The following RPS6KA5 variants were observed in gnomAD, a reference collection of about 807,000 sequenced individuals.
RPS6KA5 encodes ribosomal protein S6 kinase alpha-5.
A neutral mutation model predicts 85.5 loss-of-function variants in RPS6KA5; 27 were observed. That is an observed-to-expected ratio of 0.32 (90% CI 0.23 to 0.44). The LOEUF (loss-of-function observed/expected upper bound fraction) is 0.44. Ranked by LOEUF, RPS6KA5 falls within the 20% of genes least tolerant of loss-of-function variation. The pLI is 1.00. For missense variants in RPS6KA5, 811 were observed against 980.9 expected (o/e 0.83, Z 2.31); for synonymous variants, 334 against 348.2 (o/e 0.96, Z 0.46).
chr14:90,907,161 T>C (rs1288220131), intron 7 of RPS6KA5, among the ~76,000 whole-genome samples: 1 of 152,190 alleles, frequency 6.6e-6, no homozygotes, highest in Non-Finnish European at 1.5e-5. Flanking sequence ...ACAATATATA[T>C]GAAGACAGTT....
intron 10 of RPS6KA5, 108 bp from the exon 11 acceptor site, chr14:90,900,349 G>A: frequency 1.3e-6 from 1 of 768,306 alleles, no homozygotes; most frequent in Non-Finnish European, 1.9e-6. Flanking sequence ...AACAGGAATA[G>A]AATACATTTA....
At chr14:90,908,731 G>C (rs1480342994) in intron 7 of RPS6KA5, among the ~76,000 whole-genome samples, 1 of 152,186 alleles carries the variant, frequency 6.6e-6, no homozygotes, top group Non-Finnish European at 1.5e-5. Flanking sequence ...AAATGTACTG[G>C]GTTAAGATAA....
chr14:90,887,758 A>G (rs1371892173), intron 14 of RPS6KA5, among the ~76,000 whole-genome samples: 17 of 151,072 alleles, frequency 1.1e-4, no homozygotes, highest in Non-Finnish European at 2.2e-4. Context: ...GGAATTTGAG[A>G]CCAGCCTGGG....
chr14:90,998,469 A>G (rs993890665), intron 2 of RPS6KA5, among the ~76,000 whole-genome samples: 1 of 152,224 alleles, frequency 6.6e-6, no homozygotes, highest in Non-Finnish European at 1.5e-5. Flanking sequence ...TCTATAATAT[A>G]TATCAACCTT....
chr14:90,992,251 C>T (rs904445236), intron 2 of RPS6KA5, among the ~76,000 whole-genome samples: 2 of 152,182 alleles, frequency 1.3e-5, no homozygotes, highest in Non-Finnish European at 2.9e-5. Flanking sequence ...CTTACAATGA[C>T]ATTTCTTAGT....
chr14:90,964,568 A>G (rs2038963565), intron 3 of RPS6KA5, among the ~76,000 whole-genome samples: 1 of 152,180 alleles, frequency 6.6e-6, no homozygotes, highest in East Asian at 1.9e-4. Context: ...AACCTTGTAC[A>G]TATTTTTTAT....
Position 91,014,669 on chromosome 14 carries a change from A to C in RPS6KA5, c.104-13510T>G, listed in dbSNP as rs142833588. On this transcript the variant is annotated intron_variant, in intron 1 of 16. Transcript: ENST00000614987. ...AAACTGCTTATTTCTAAATAGCGAT[A>C]TAAAGTTCCTAAGGCTTATTTTTCT... is the stretch of plus-strand genomic sequence containing the variant. 4.7e-3 allele frequency among the ~76,000 whole-genome samples: 719 copies of C among 152,228 alleles called. 8 individuals carry two copies. The highest frequency in any genetic ancestry group is 0.017 in the African/African-American group (687 of 41,554).
chr14:90,965,290 C>T (rs2039001939), intron 3 of RPS6KA5, among the ~76,000 whole-genome samples: 1 of 152,054 alleles, frequency 6.6e-6, no homozygotes, highest in Non-Finnish European at 1.5e-5. Flanking sequence ...GAGGCTGAGG[C>T]TTGAACCTGG....
chr14:90,944,585 G>A (rs374309661), intron 4 of RPS6KA5, among the ~76,000 whole-genome samples: 48 of 152,074 alleles, frequency 3.2e-4, no homozygotes, highest in Middle Eastern at 3.2e-3. Flanking sequence ...GAGAAACCCC[G>A]ACTCTACTAA....
intron 2 of RPS6KA5, among the ~76,000 whole-genome samples, chr14:90,979,509 A>G (rs2039704883): frequency 6.6e-6 from 1 of 152,208 alleles, no homozygotes; most frequent in Admixed American, 6.5e-5. Context: ...GCCCAGATCA[A>G]TATTCACACT....
At position 90,972,920 on chromosome 14, in the gene RPS6KA5, G is replaced by T. The variant is rs142833126; in HGVS notation, c.394+5386C>A. 4.3e-3 allele frequency among the ~76,000 whole-genome samples: 655 copies of T among 152,174 alleles called. 9 individuals are homozygous for T. The highest frequency in any genetic ancestry group is 0.015 in the African/African-American group (612 of 41,540). On this transcript the variant is annotated intron_variant, in intron 3 of 16. Coordinates refer to ENST00000614987, the MANE Select transcript of RPS6KA5 (RefSeq NM_004755.4). Reference sequence around the variant, plus strand: ...AAAGGGTACAAATAGATAATTCTCAGAAAAAATACATATGGCTTTTTAAGC... The same window carrying T: ...AAAGGGTACAAATAGATAATTCTCATAAAAAATACATATGGCTTTTTAAGC...
intron 1 of RPS6KA5, among the ~76,000 whole-genome samples, chr14:91,035,739 A>C (rs1057094414): frequency 1.3e-5 from 2 of 151,962 alleles, no homozygotes; most frequent in African/African-American, 4.8e-5. Flanking sequence ...TTTAAGTAGA[A>C]AATGAAGAGA....
chr14:91,043,471 A>C (rs1273884743), intron 1 of RPS6KA5, among the ~76,000 whole-genome samples: 2 of 152,134 alleles, frequency 1.3e-5, no homozygotes, highest in Admixed American at 6.5e-5. Flanking sequence ...CAGTTTCACA[A>C]CCGATTCTTC....
intron 5 of RPS6KA5, among the ~76,000 whole-genome samples, chr14:90,927,102 A>G (rs1020894185): frequency 6.6e-6 from 1 of 152,144 alleles, no homozygotes; most frequent in African/African-American, 2.4e-5. Flanking sequence ...GAGATAATGG[A>G]TAATTTCAGA....
At chr14:90,901,282 GTC>G (rs935582656) in intron 9 of RPS6KA5, among the ~76,000 whole-genome samples, 4 of 152,174 alleles carry the variant, frequency 2.6e-5, no homozygotes, top group Non-Finnish European at 5.9e-5. Flanking sequence ...GTTTCACCAT[GTC>G]TCGAACTGGT....
At chr14:90,983,783 TTCTTTCTCTCTCTC>T (rs1566825701) in intron 2 of RPS6KA5, among the ~76,000 whole-genome samples, 1 of 131,918 alleles carries the variant, frequency 7.6e-6, no homozygotes, top group African/African-American at 2.9e-5. Flanking sequence ...CTTTCTTTCT[TTCTTTCTCTCTCTC>T]TCTCTCTCTC....
chr14:90,951,565 T>C (rs2038191106), intron 3 of RPS6KA5, among the ~76,000 whole-genome samples: 1 of 152,148 alleles, frequency 6.6e-6, no homozygotes, highest in South Asian at 2.1e-4. Context: ...TTGGGAAGAC[T>C]GTGTTAACTT....
chr14:90,879,781 A>T (rs1286261), intron 14 of RPS6KA5, among the ~76,000 whole-genome samples: 1 of 128,968 alleles, frequency 7.8e-6, no homozygotes, highest in African/African-American at 3.0e-5. Flanking sequence ...TCCACTCCTA[A>T]TTTTTTTTTT....
intron 12 of RPS6KA5, 24 bp downstream of exon 12, chr14:90,899,305 A>G (rs117599685): frequency 0.3 from 406,643 of 1,349,286 alleles, 22,102 homozygotes; most frequent in South Asian, 0.36. Context: ...CACATGGGAA[A>G]AAAAAAAAAA....
Sources: allele counts gnomAD v4.1 joint callset (sites outside exome capture counted in the v4.1 genomes callset), GRCh38; gene constraint gnomAD v4.1.1; transcripts MANE v1.5; gene names NCBI Gene and HGNC (gene_info 2026-07-23, HGNC 2026-07-21).